KATNAL2: variants seen among roughly 807,000 people sequenced by gnomAD.
KATNAL2 encodes katanin catalytic subunit A1 like 2.
In KATNAL2, 52 loss-of-function variants were observed where a neutral mutation model predicts 76.3. The ratio of observed to expected loss-of-function variants is 0.68; its 90% confidence interval spans 0.55 to 0.86. The LOEUF (loss-of-function observed/expected upper bound fraction) is 0.86, where lower values mean the gene tolerates loss of function less well. Among genes scored for constraint, KATNAL2 ranks in the 40% least tolerant of loss-of-function variants. The probability of loss-of-function intolerance (pLI) is 0.00; values close to 1 mark genes in which losing one functional copy is unlikely to be tolerated. For missense variants in KATNAL2, 660 were observed against 668.9 expected, an observed-to-expected ratio of 0.99 and a Z score of 0.15; for synonymous variants, 243 against 244.2, an observed-to-expected ratio of 1.00 and a Z score of 0.05.
intron 15 of KATNAL2, 94 bp from the exon 16 acceptor site, chr18:47,099,149 G>T (rs2063369388): frequency 7.9e-7 from 1 of 1,258,040 alleles, no homozygotes; most frequent in Non-Finnish European, 1.1e-6. Context: ...ATGCAGAATT[G>T]CTTCCTGCAA....
At chr18:47,054,651 T>C (rs1421528086) in intron 6 of KATNAL2, 1 of 574,922 alleles carries the variant, frequency 1.7e-6, no homozygotes, top group Non-Finnish European at 3.1e-6. Flanking sequence ...TAAATAAGTA[T>C]ATCCTGTGAT....
At chr18:47,064,384 T>C (rs932245923) in intron 10 of KATNAL2, among the ~76,000 whole-genome samples, 3 of 152,146 alleles carry the variant, frequency 2.0e-5, no homozygotes, top group African/African-American at 7.2e-5. Flanking sequence ...GTGGGCCACC[T>C]AAGAAGCAGG....
At chr18:47,044,440 G>C (rs1166463440) in intron 3 of KATNAL2, among the ~76,000 whole-genome samples, 1 of 152,150 alleles carries the variant, frequency 6.6e-6, no homozygotes, top group African/African-American at 2.4e-5. Context: ...TGTATTTAAT[G>C]ACACTGAACT....
chr18:47,058,461 C>A, intron 7 of KATNAL2, 109 bp downstream of exon 7: 1 of 651,402 alleles, frequency 1.5e-6, no homozygotes, highest in Non-Finnish European at 2.7e-6. Flanking sequence ...TTTAAAATTG[C>A]TGTGTGATCT....
At chr18:47,099,184 T>C in intron 15 of KATNAL2, 59 bp from the exon 16 acceptor site, 1 of 1,515,782 alleles carries the variant, frequency 6.6e-7, no homozygotes, top group Non-Finnish European at 8.9e-7. Flanking sequence ...TAAAGTACAG[T>C]TGTTGTTCAG....
At chr18:46,953,731 T>C (rs2059637018) in intron 3 of KATNAL2, among the ~76,000 whole-genome samples, 1 of 151,132 alleles carries the variant, frequency 6.6e-6, no homozygotes, top group Non-Finnish European at 1.5e-5. Flanking sequence ...TACTCCAACC[T>C]AGGCGACACA....
intron 1 of KATNAL2, among the ~76,000 whole-genome samples, chr18:46,940,054 TGA>T (rs1408429704): frequency 6.6e-6 from 1 of 152,190 alleles, no homozygotes; most frequent in Admixed American, 6.5e-5. Context: ...TACCACATTA[TGA>T]GAGATTATTA....
upstream of KATNAL2, chr18:46,917,601 C>G (rs2058138549): frequency 4.9e-6 from 5 of 1,015,354 alleles, no homozygotes; most frequent in South Asian, 1.4e-4. Flanking sequence ...CCCGCGCCTT[C>G]AGTCCGCGCG....
chr18:47,071,966 T>C (rs1318150865), intron 13 of KATNAL2, among the ~76,000 whole-genome samples: 14 of 99,898 alleles, frequency 1.4e-4, no homozygotes, highest in Non-Finnish European at 2.7e-4. Context: ...TTTTTTTTTT[T>C]TTTTTTTTTT....
At chr18:47,038,323 G>A (rs1055725346) in intron 3 of KATNAL2, among the ~76,000 whole-genome samples, 1 of 152,150 alleles carries the variant, frequency 6.6e-6, no homozygotes, top group Non-Finnish European at 1.5e-5. Flanking sequence ...CTGTTTAAAT[G>A]ACTCTCCAGG....
rs542398545 is a variant in KATNAL2, at chr18:47,059,512, C to T, written c.451-44C>T. 2.2e-6 allele frequency: 3 copies of T among 1,372,092 alleles called. No homozygotes were observed. The African/African-American group carries it at 4.3e-5, about 19-fold the overall frequency. 85.0% of individuals were successfully genotyped at this position (1,372,092 alleles called of 1,614,324 possible). ...TAGGCAGGTACATCCAGCAACTCTC[C>T]ATGGCTGCTCACAGCCGATGTGTCC... On this transcript the variant is annotated intron_variant, in intron 7 of 17. Transcript: ENST00000683218.
chr18:46,941,291 A>T (rs1456069694), intron 1 of KATNAL2, among the ~76,000 whole-genome samples: 1 of 152,166 alleles, frequency 6.6e-6, no homozygotes, highest in African/African-American at 2.4e-5. Context: ...CTGAGCCGAG[A>T]TCATGCCACT....
At chr18:47,077,237 G>A in intron 14 of KATNAL2, 114 bp from the exon 15 acceptor site, 1 of 718,552 alleles carries the variant, frequency 1.4e-6, no homozygotes, top group Non-Finnish European at 2.4e-6. Flanking sequence ...CGGCTCCATT[G>A]GCCATCAGAA....
intron 3 of KATNAL2, among the ~76,000 whole-genome samples, chr18:46,959,582 A>AT (rs1478107080): frequency 1.3e-5 from 2 of 151,908 alleles, no homozygotes; most frequent in African/African-American, 2.4e-5. Context: ...TTTTAATTTA[A>AT]TTTTTTTTGG....
chr18:46,931,039 T>G (rs1599332335), intron 1 of KATNAL2, among the ~76,000 whole-genome samples: 1 of 150,376 alleles, frequency 6.6e-6, no homozygotes, highest in African/African-American at 2.4e-5. Context: ...TGCGGAGGTT[T>G]CAGTGAGCTG....
chr18:47,069,484 A>G lies in KATNAL2; in HGVS notation c.892A>G (p.Thr298Ala), dbSNP rs117237193. Reference sequence around the variant, plus strand: ...ATCTTTTATGTGTTTCTCTTTAGGTACAGGAAAGACTTTACTGGCCAAAGC... The same window carrying G: ...ATCTTTTATGTGTTTCTCTTTAGGTGCAGGAAAGACTTTACTGGCCAAAGC... Reference protein sequence around the residue: ...KGLLLYGPPGTGKTLLAKAVA... With the variant: ...KGLLLYGPPGAGKTLLAKAVA... The change falls in exon 13 of 18, where the codon ACA becomes GCA. Residue 298 changes from threonine (T) to alanine (A), a missense_variant and splice_region_variant. Coordinates refer to ENST00000683218, the MANE Select transcript of KATNAL2 (RefSeq NM_001387690.1). 2 of 1,606,976 alleles carry G rather than the reference A, an allele frequency of 1.2e-6. No individual in the cohort carries two copies. The highest frequency in any genetic ancestry group is 1.7e-6 in the Non-Finnish European group (2 of 1,175,436).
chr18:47,052,966 C>G lies in KATNAL2; in HGVS notation c.209C>G (p.Thr70Ser). The change falls in exon 5 of 18, where the codon ACT becomes AGT. Residue 70 changes from threonine (T) to serine (S), a missense_variant. Coordinates refer to ENST00000683218, the MANE Select transcript of KATNAL2 (RefSeq NM_001387690.1). The part of the protein sequence containing the change: ...FEVCDNIDLE[T>S]ILMEYESYYF... ...GTTTGTGACAACATTGATCTTGAAA[C>G]TATTTTGATGGAATATGAGAGTTAT... 1.9e-6 allele frequency: 3 copies of G among 1,610,882 alleles called. No homozygotes were observed. Among genetic ancestry groups the G allele is most frequent in the Non-Finnish European group, 2.5e-6 (3 of 1,178,384 alleles).
chr18:47,071,941 T>A (rs2062017921), intron 13 of KATNAL2, among the ~76,000 whole-genome samples: 1 of 134,584 alleles, frequency 7.4e-6, no homozygotes, highest in Admixed American at 7.5e-5. Flanking sequence ...ACAATTCCTC[T>A]CCCAATTTCT....
intron 4 of KATNAL2, among the ~76,000 whole-genome samples, chr18:47,049,930 G>T (rs147030901): frequency 6.6e-6 from 1 of 152,214 alleles, no homozygotes; most frequent in Non-Finnish European, 1.5e-5. Flanking sequence ...ATGGAATCTC[G>T]CTATGTAGAC....
Sources: allele counts gnomAD v4.1 joint callset (sites outside exome capture counted in the v4.1 genomes callset), GRCh38; gene constraint gnomAD v4.1.1; transcripts MANE v1.5; gene names NCBI Gene and HGNC (gene_info 2026-07-23, HGNC 2026-07-21).